Variants in SLC35F4 observed in about 807,000 individuals in gnomAD.
The protein encoded by SLC35F4 is solute carrier family 35 member F4.
SLC35F4 carries 24 observed loss-of-function variants against 44.2 expected under a neutral mutation model. That is an observed-to-expected ratio of 0.54 (90% CI 0.39 to 0.76). The LOEUF is 0.76. Ranked by LOEUF, SLC35F4 falls within the 30% of genes least tolerant of loss-of-function variation. The pLI, the probability that SLC35F4 is intolerant of heterozygous loss-of-function variation, is 0.00. For synonymous variants in SLC35F4, 238 were observed against 223.6 expected (o/e 1.06, Z -0.57); for missense variants, 562 against 586.1 (o/e 0.96, Z 0.42).
chr14:57,938,925 T>C (rs567433925), intron 1 of SLC35F4, among the ~76,000 whole-genome samples: 6 of 152,158 alleles, frequency 3.9e-5, no homozygotes, highest in African/African-American at 1.2e-4. Flanking sequence ...ACTGTAGACA[T>C]GTAAGCAGGT....
chr14:57,760,501 G>T (rs2077098850), intron 1 of SLC35F4, among the ~76,000 whole-genome samples: 3 of 152,024 alleles, frequency 2.0e-5, no homozygotes, highest in African/African-American at 7.2e-5. Context: ...AGTATCTTTT[G>T]TGTTTCCATA....
chr14:57,700,623 C>T (rs2075510894), intron 1 of SLC35F4, among the ~76,000 whole-genome samples: 1 of 151,898 alleles, frequency 6.6e-6, no homozygotes, highest in Admixed American at 6.6e-5. Flanking sequence ...ATTTTCAGGC[C>T]AGGCATGGTG....
At chr14:57,600,364 T>G (rs928832496) in intron 1 of SLC35F4, among the ~76,000 whole-genome samples, 1 of 152,240 alleles carries the variant, frequency 6.6e-6, no homozygotes, top group Admixed American at 6.5e-5. Context: ...CCATAATTAT[T>G]AATCTGTCAT....
chr14:57,732,151 A>G (rs2076359069), intron 1 of SLC35F4, among the ~76,000 whole-genome samples: 1 of 152,194 alleles, frequency 6.6e-6, no homozygotes, highest in Non-Finnish European at 1.5e-5. Flanking sequence ...TAGTTTCATA[A>G]TATTAAATTT....
At chr14:57,864,807 A>C (rs1887978694) in intron 1 of SLC35F4, among the ~76,000 whole-genome samples, 1 of 152,230 alleles carries the variant, frequency 6.6e-6, no homozygotes, top group South Asian at 2.1e-4. Context: ...ACTAAACCGC[A>C]GCTACTCCTC....
chr14:57,617,366 G>C (rs112323518), intron 1 of SLC35F4, among the ~76,000 whole-genome samples: 10,316 of 151,584 alleles, frequency 0.068, 1,002 homozygotes, highest in African/African-American at 0.22. Flanking sequence ...TCCTGACCTC[G>C]TGATCCACCT....
chr14:57,686,787 G>A (rs748747784), intron 1 of SLC35F4, among the ~76,000 whole-genome samples: 2 of 152,046 alleles, frequency 1.3e-5, no homozygotes, highest in Non-Finnish European at 2.9e-5. Flanking sequence ...TTAAAGGATT[G>A]TGAAAGTCTT....
intron 1 of SLC35F4, among the ~76,000 whole-genome samples, chr14:57,750,355 G>T (rs1388690339): frequency 6.6e-6 from 1 of 152,082 alleles, no homozygotes. Flanking sequence ...GTAAACATAG[G>T]AGTGCAGGTA....
intron 1 of SLC35F4, among the ~76,000 whole-genome samples, chr14:57,745,779 G>A (rs912833933): frequency 1.3e-4 from 20 of 152,074 alleles, no homozygotes; most frequent in African/African-American, 4.4e-4. Context: ...AAAGACACAC[G>A]CACCCATATG....
At chr14:57,752,005 TG>T (rs2076895972) in intron 1 of SLC35F4, among the ~76,000 whole-genome samples, 1 of 152,030 alleles carries the variant, frequency 6.6e-6, no homozygotes, top group Admixed American at 6.6e-5. Flanking sequence ...TCCAAATACA[TG>T]GGTAGAGAAA....
intron 1 of SLC35F4, among the ~76,000 whole-genome samples, chr14:57,771,224 T>G (rs2077355923): frequency 6.6e-6 from 1 of 152,236 alleles, no homozygotes; most frequent in African/African-American, 2.4e-5. Context: ...TACACTTACC[T>G]GACTGAAAAT....
intron 1 of SLC35F4, among the ~76,000 whole-genome samples, chr14:57,939,623 G>A (rs1304033266): frequency 6.6e-6 from 1 of 152,188 alleles, no homozygotes; most frequent in Non-Finnish European, 1.5e-5. Flanking sequence ...CTGAGAAGCT[G>A]AGCATTTCTA....
At chr14:57,626,394 T>C in intron 1 of SLC35F4, among the ~76,000 whole-genome samples, 1 of 150,878 alleles carries the variant, frequency 6.6e-6, no homozygotes. Flanking sequence ...AATTCAGTCA[T>C]ATAGAAAGCA....
chr14:57,625,276 A>C (rs2140108562), intron 1 of SLC35F4, among the ~76,000 whole-genome samples: 1 of 152,322 alleles, frequency 6.6e-6, no homozygotes, highest in South Asian at 2.1e-4. Flanking sequence ...GGAAAACTAC[A>C]AAACACTGCT....
At chr14:57,645,659 G>A (rs890145369) in intron 1 of SLC35F4, among the ~76,000 whole-genome samples, 1 of 151,264 alleles carries the variant, frequency 6.6e-6, no homozygotes, top group Non-Finnish European at 1.5e-5. Context: ...CCAACACTAT[G>A]TTGAATAGGA....
chr14:57,674,467 A>T (rs756721356), intron 1 of SLC35F4, among the ~76,000 whole-genome samples: 4 of 152,190 alleles, frequency 2.6e-5, no homozygotes, highest in Admixed American at 6.5e-5. Context: ...GGCATTGCCC[A>T]GGCATCCATC....
Position 57,865,858 on chromosome 14 carries a change from G to A in SLC35F4, c.-33C>T. The A allele has an allele frequency of 1.0e-5, 15 of 1,455,342 alleles. No homozygotes were observed. The highest frequency in any genetic ancestry group is 1.3e-5 in the Non-Finnish European group (14 of 1,094,526). 90.2% of individuals were successfully genotyped at this position (1,455,342 alleles called of 1,614,324 possible). On this transcript the variant is annotated 5_prime_UTR_variant, in exon 1 of 8. Transcript: ENST00000556826. ...GCGGGGCGACGGCCCCGAGTGCGGC[G>A]GGGCGGAGAGCGCAGCGCGGGGCCC...
In SLC35F4 at chr14:57,571,926, C is replaced by T; in HGVS notation, c.901G>A (p.Val301Met). The T allele has an allele frequency of 6.2e-7, 1 of 1,612,696 alleles. No individual in the cohort carries two copies. The highest frequency in any genetic ancestry group is 8.5e-7 in the Non-Finnish European group (1 of 1,179,300). ...ADSIIGVAFA[V>M]GSASTSALYK... Reference sequence around the variant, plus strand: ...AATGCAGATGTAGAGGCTGAGCCCACCGCAAATGCCACTCCTATGATGGAA... The same window carrying T: ...AATGCAGATGTAGAGGCTGAGCCCATCGCAAATGCCACTCCTATGATGGAA... Residue 301 changes from valine to methionine, a missense_variant, in exon 5 of 8, where the codon GTG becomes ATG. By Grantham distance (21) the Val-to-Met change is conservative. Transcript: ENST00000556826.
intron 1 of SLC35F4, chr14:57,630,909 G>A (rs2072739027): frequency 2.3e-6 from 2 of 867,638 alleles, no homozygotes; most frequent in Non-Finnish European, 2.8e-6. Flanking sequence ...AATTTGTGGT[G>A]TCTCTGTATA....
Sources: allele counts gnomAD v4.1 joint callset (sites outside exome capture counted in the v4.1 genomes callset), GRCh38; gene constraint gnomAD v4.1.1; transcripts MANE v1.5; gene names NCBI Gene and HGNC (gene_info 2026-07-23, HGNC 2026-07-21).